FANCM: variants seen among roughly 807,000 people sequenced by gnomAD.
FANCM encodes FA complementation group M.
In FANCM, 140 loss-of-function variants were observed where a neutral mutation model predicts 199.5. That is an observed-to-expected ratio of 0.70 (90% CI 0.61 to 0.81). The LOEUF is 0.81. FANCM is among the 30% of genes least tolerant of loss of function. The pLI is 0.00. For missense variants in FANCM, 2,410 were observed against 2,421.4 expected, an observed-to-expected ratio of 1.00 and a Z score of 0.10; for synonymous variants, 840 against 836.8, an observed-to-expected ratio of 1.00 and a Z score of -0.07.
intron 3 of FANCM, among the ~76,000 whole-genome samples, chr14:45,141,689 A>G (rs1566723042): frequency 6.7e-6 from 1 of 150,084 alleles, no homozygotes; most frequent in Non-Finnish European, 1.5e-5. Context: ...TCCTGGATTC[A>G]AGCGATTCTC....
intron 16 of FANCM, 47 bp downstream of exon 16, chr14:45,181,752 T>A: frequency 7.9e-7 from 1 of 1,261,982 alleles, no homozygotes; most frequent in Non-Finnish European, 1.2e-6. Flanking sequence ...TCCTTTGGAA[T>A]AAAAATTTTG....
chr14:45,153,850 A>G (rs1172359986), intron 5 of FANCM, 70 bp from the exon 6 acceptor site: 3 of 1,226,402 alleles, frequency 2.4e-6, no homozygotes, highest in African/African-American at 3.0e-5. Context: ...CTATGGCCTG[A>G]CAACTTGGGC....
At chr14:45,152,176 G>A (rs983139078) in intron 5 of FANCM, among the ~76,000 whole-genome samples, 2 of 151,664 alleles carry the variant, frequency 1.3e-5, no homozygotes, top group African/African-American at 2.4e-5. Context: ...CTACAGGCAC[G>A]CATCACCACG....
rs980289508 is a variant in FANCM, at chr14:45,166,936, A to G, written c.1789-14A>G. The G allele has an allele frequency of 2.4e-5, 32 of 1,306,916 alleles. No individual in the cohort carries two copies. The highest frequency in any genetic ancestry group is 3.2e-5 in the Non-Finnish European group (29 of 901,266). 81.0% of individuals were successfully genotyped at this position (1,306,916 alleles called of 1,614,324 possible). A position where few individuals can be genotyped will look rare whatever the true frequency, so the allele number is the denominator to read the frequency against. On this transcript the variant is annotated splice_polypyrimidine_tract_variant and intron_variant, in intron 10 of 22. Coordinates refer to ENST00000267430, the MANE Select transcript of FANCM (RefSeq NM_020937.4). ...AAAGTAATATAATCTGACATTTTCT[A>G]TTTGTTTTTACAGATTTATAATCAG...
intron 8 of FANCM, among the ~76,000 whole-genome samples, chr14:45,158,607 T>G (rs555712836): frequency 8.2e-4 from 125 of 152,204 alleles, no homozygotes; most frequent in Non-Finnish European, 1.4e-3. Context: ...CTTATGAAAT[T>G]AGGGGGAGCT....
chr14:45,176,622 A>T lies in FANCM; in HGVS notation c.3868A>T (p.Thr1290Ser), dbSNP rs774044128. 1 of 1,610,334 alleles carries T rather than the reference A, an allele frequency of 6.2e-7. No individual in the cohort carries two copies. The highest frequency in any genetic ancestry group is 8.5e-7 in the Non-Finnish European group (1 of 1,178,638). The change falls in exon 14 of 23, where the codon ACT becomes TCT. Residue 1290 changes from threonine (T) to serine (S), a missense_variant. Thr to Ser is a moderately conservative substitution (Grantham distance 58, BLOSUM62 1). Transcript: ENST00000267430. ...LIPRDHSKNFTSGTVIIPSNE... is the reference protein window; with the variant it reads ...LIPRDHSKNFSSGTVIIPSNE... ...ACCAAGAGATCATAGTAAAAATTTTACTAGTGGAACTGTTATTATCCCATC... is the reference window on the plus strand; with the variant it reads ...ACCAAGAGATCATAGTAAAAATTTTTCTAGTGGAACTGTTATTATCCCATC...
Position 45,189,255 on chromosome 14 carries a change from G to A in FANCM, c.5233G>A (p.Val1745Ile), listed in dbSNP as rs2139298008. 1 of 1,613,974 alleles carries A rather than the reference G, an allele frequency of 6.2e-7. No individual in the cohort carries two copies. The highest frequency in any genetic ancestry group is 8.5e-7 in the Non-Finnish European group (1 of 1,179,892). The change falls in exon 20 of 23, where the codon GTC becomes ATC. Residue 1745 changes from valine (V) to isoleucine (I), a missense_variant. Coordinates refer to ENST00000267430, the MANE Select transcript of FANCM (RefSeq NM_020937.4). ...GAATTTAAAGGATACAATTTCCGAAGTCTCAGACTTCAAACCTCAGAATCA... is the reference window on the plus strand; with the variant it reads ...GAATTTAAAGGATACAATTTCCGAAATCTCAGACTTCAAACCTCAGAATCA... ...SLNLKDTISE[V>I]SDFKPQNHNE...
chr14:45,140,382 T>C (rs775175675), intron 2 of FANCM, among the ~76,000 whole-genome samples: 1 of 152,224 alleles, frequency 6.6e-6, no homozygotes, highest in Non-Finnish European at 1.5e-5. Flanking sequence ...TATTTTGATT[T>C]GCCCTTTGAG....
chr14:45,175,662 G>T lies in FANCM; in HGVS notation c.2908G>T (p.Val970Phe), dbSNP rs1245895480. 3 of 1,613,314 alleles carry T rather than the reference G, an allele frequency of 1.9e-6. No individual in the cohort carries two copies. The highest frequency in any genetic ancestry group is 4.5e-5 in the East Asian group (2 of 44,844). The change falls in exon 14 of 23, where the codon GTT becomes TTT. Residue 970 changes from valine to phenylalanine, a missense_variant. By Grantham distance (50) the Val-to-Phe change is conservative (BLOSUM62 -1). Coordinates refer to ENST00000267430, the MANE Select transcript of FANCM (RefSeq NM_020937.4). ...TCCATTCGAAGAAGAGCTTTATATTGTTAGAACAGATGACCAATTTTATAA... is the reference window on the plus strand; with the variant it reads ...TCCATTCGAAGAAGAGCTTTATATTTTTAGAACAGATGACCAATTTTATAA... ...FLPFEEELYIVRTDDQFYNCH... is the reference protein window; with the variant it reads ...FLPFEEELYIFRTDDQFYNCH...
intron 6 of FANCM, 95 bp from the exon 7 acceptor site, chr14:45,154,602 A>T: frequency 1.1e-6 from 1 of 902,982 alleles, no homozygotes; most frequent in Non-Finnish European, 1.7e-6. Context: ...TGAAAAACTT[A>T]CATTCATTGC....
intron 7 of FANCM, 23 bp downstream of exon 7, chr14:45,154,845 A>C: frequency 1.2e-6 from 2 of 1,600,846 alleles, no homozygotes; most frequent in South Asian, 2.2e-5. Flanking sequence ...TTTTAAAATT[A>C]TGTATTGTGT....
rs1421733224 is a variant in FANCM at position 45,145,959 on chromosome 14, TGAGGCAGGAGAATGGCGTGAACCCGG to T, written c.760-2872_760-2847del. On this transcript the variant is annotated intron_variant, in intron 3 of 22. Coordinates refer to ENST00000267430, the MANE Select transcript of FANCM (RefSeq NM_020937.4). ...CTGTAGTCCCAGCTACTTGGGAGGC[TGAGGCAGGAGAATGGCGTGAACCCGG>T]GAGGCGGAGCTTGCAGTGAGCCGAG... is the stretch of plus-strand genomic sequence containing the variant. Among the ~76,000 whole-genome samples, 805 of 145,316 alleles carry T rather than the reference TGAGGCAGGAGAATGGCGTGAACCCGG, an allele frequency of 5.5e-3. 11 individuals are homozygous for T. The highest frequency in any genetic ancestry group is 0.02 in the African/African-American group (761 of 38,778).
chr14:45,162,771 CAGTTT>C (rs1887694087), intron 9 of FANCM, among the ~76,000 whole-genome samples: 1 of 152,196 alleles, frequency 6.6e-6, no homozygotes, highest in African/African-American at 2.4e-5. Flanking sequence ...ATGGAAGTAA[CAGTTT>C]AGTTTATACA....
chr14:45,141,482 C>T (rs1885943429), intron 3 of FANCM, among the ~76,000 whole-genome samples: 1 of 127,516 alleles, frequency 7.8e-6, no homozygotes, highest in Non-Finnish European at 1.6e-5. Flanking sequence ...CCCTCCCCTC[C>T]CCTCCCCTTT....
Position 45,194,325 on chromosome 14 carries a change from A to C in FANCM, c.5341-1847A>C, listed in dbSNP as rs550767871. ...CTCAAAAAAAAAAAAACAAAAAAAA[A>C]CCAAACAAATTCCAGTTTTATTTTT... On this transcript the variant is annotated intron_variant, in intron 20 of 22. Coordinates refer to ENST00000267430, the MANE Select transcript of FANCM (RefSeq NM_020937.4). Among the ~76,000 whole-genome samples the C allele has an allele frequency of 3.4e-4, 51 of 151,946 alleles. 1 individual carries two copies. Among genetic ancestry groups the C allele is most frequent in the Admixed American group, 1.0e-3 (16 of 15,250 alleles).
intron 2 of FANCM, 123 bp from the exon 3 acceptor site, chr14:45,140,509 C>T (rs1885835424): frequency 1.3e-5 from 9 of 694,498 alleles, no homozygotes; most frequent in Non-Finnish European, 2.4e-5. Context: ...AGTTCACTCA[C>T]TAGACCATCA....
At chr14:45,158,929 C>G (rs779818960) in intron 8 of FANCM, among the ~76,000 whole-genome samples, 167 bp from the exon 9 acceptor site, 1 of 152,140 alleles carries the variant, frequency 6.6e-6, no homozygotes, top group Non-Finnish European at 1.5e-5. Flanking sequence ...ATCTCAGCCT[C>G]CCAAGTAGCT....
rs746340777 is a variant in FANCM at position 45,189,302 on chromosome 14, A to G, written c.5280A>G (p.Thr1760=). Residue 1760 remains threonine (T), a synonymous_variant, in exon 20 of 23, where the codon ACA becomes ACG. Transcript: ENST00000267430. ...ATCATAATGAAGTCCAGTCTACCAC[A>G]CCACCCTTCACTACTGTTGATTCAC... The part of the protein sequence containing the change: ...PQNHNEVQST[T]PPFTTVDSQK... 6.2e-7 allele frequency: 1 copy of G among 1,613,970 alleles called. No individual in the cohort carries two copies. Among genetic ancestry groups the G allele is most frequent in the Non-Finnish European group, 8.5e-7 (1 of 1,179,844 alleles).
At chr14:45,150,680 C>T (rs1886755749) in intron 4 of FANCM, among the ~76,000 whole-genome samples, 1 of 152,162 alleles carries the variant, frequency 6.6e-6, no homozygotes, top group Non-Finnish European at 1.5e-5. Context: ...CAAAGAGAGT[C>T]TTTGTTCACC....
Sources: gnomAD v4.1 joint callset for allele counts (sites outside exome capture counted in the v4.1 genomes callset) on GRCh38, gnomAD v4.1.1 for gene constraint, MANE v1.5 for transcripts, NCBI Gene and HGNC (gene_info 2026-07-23, HGNC 2026-07-21) for gene names.